Variants in SOS1 observed in about 807,000 individuals in gnomAD.
SOS1 encodes SOS Ras/Rac guanine nucleotide exchange factor 1.
In SOS1, 25 loss-of-function variants were observed where a neutral mutation model predicts 157.6. The ratio of observed to expected loss-of-function variants is 0.16; its 90% CI spans 0.12 to 0.22. SOS1 has a LOEUF of 0.22. SOS1 is among the 10% of genes least tolerant of loss of function. The pLI is 1.00. For synonymous variants in SOS1, 528 were observed against 534.0 expected (o/e 0.99, Z 0.16); for missense variants, 1,237 against 1,599.1 (o/e 0.77, Z 3.86).
rs1454226 is a variant in SOS1, at chr2:39,019,721, A to T, written c.1858+2849T>A. The stretch of plus-strand genomic sequence containing the variant: ...GAGCAAACTACATCAATAGACTAAT[A>T]ATTGGGTTTTGTAAAAAAATAAAAA... On this transcript the variant is annotated intron_variant, in intron 10 of 22. Transcript: ENST00000402219. Among the ~76,000 whole-genome samples the T allele has an allele frequency of 2.0e-5, 3 of 151,378 alleles. No individual in the cohort carries two copies. The East Asian group carries it at 5.8e-4, about 29-fold the overall frequency.
chr2:39,120,212 C>G, intron 1 of SOS1, 124 bp downstream of exon 1: 1 of 867,356 alleles, frequency 1.2e-6, no homozygotes, highest in South Asian at 2.2e-5. Flanking sequence ...GTGCGCCGTC[C>G]TTTTGGAGAC....
chr2:39,007,326 A>G (rs1256480303), intron 15 of SOS1, 133 bp from the exon 16 acceptor site: 1 of 653,732 alleles, frequency 1.5e-6, no homozygotes, highest in South Asian at 1.8e-5. Flanking sequence ...GAGAAGACAC[A>G]TTCAGGGTGA....
chr2:39,106,276 T>TA lies in SOS1; in HGVS notation c.87+14059dup, dbSNP rs200837438. 1.7e-3 allele frequency among the ~76,000 whole-genome samples: 249 copies of TA among 147,856 alleles called. 1 individual carries two copies. Among genetic ancestry groups the TA allele is most frequent in the African/African-American group, 5.1e-3 (204 of 40,178 alleles). On this transcript the variant is annotated intron_variant, in intron 1 of 22. Coordinates refer to ENST00000402219, the MANE Select transcript of SOS1 (RefSeq NM_005633.4). ...TCAAGTAATCTTCCTGTTACAGTTT[T>TA]AAAAAAAAAACTTTCTTAAATAACA...
intron 4 of SOS1, among the ~76,000 whole-genome samples, chr2:39,055,739 T>A (rs1426619261): frequency 6.6e-6 from 1 of 152,198 alleles, no homozygotes; most frequent in Non-Finnish European, 1.5e-5. Flanking sequence ...ACATTTTCCT[T>A]TCTGCAAAGT....
intron 15 of SOS1, 23 bp downstream of exon 15, chr2:39,010,561 A>AT (rs1474748903): frequency 1.1e-5 from 18 of 1,602,876 alleles, no homozygotes; most frequent in Non-Finnish European, 1.5e-5. Flanking sequence ...GCTATAAAAT[A>AT]TAAGAATGCT....
rs1354997574 is a variant in SOS1 at position 38,985,603 on chromosome 2, C to T, written c.*221G>A. On this transcript the variant is annotated 3_prime_UTR_variant, in exon 23 of 23. Coordinates refer to ENST00000402219, the MANE Select transcript of SOS1 (RefSeq NM_005633.4). Reference sequence around the variant, plus strand: ...ATGATTTTCAGGTGCAATCAGTTGTCCAATTCCTCTAGGTCGGTCTTTCCA... The same window carrying T: ...ATGATTTTCAGGTGCAATCAGTTGTTCAATTCCTCTAGGTCGGTCTTTCCA... The T allele has an allele frequency of 1.8e-6, 1 of 540,650 alleles. No individual in the cohort carries two copies. The highest frequency in any genetic ancestry group is 3.3e-6 in the Non-Finnish European group (1 of 304,716). The allele number at this position is 540,650 out of a possible 1,614,324, so 33.5% of individuals were successfully genotyped here. A position where few individuals can be genotyped will look rare whatever the true frequency, so the allele number is the denominator to read the frequency against.
At position 39,004,762 on chromosome 2, in the gene SOS1, A is replaced by G. The variant is rs913276042; in HGVS notation, c.2791+1650T>C. ...AGATACGAAAAATGACATGGACAAG[A>G]GGAAATACAAATATTAAAGAATGTA... On this transcript the variant is annotated intron_variant, in intron 17 of 22. Coordinates refer to ENST00000402219, the MANE Select transcript of SOS1 (RefSeq NM_005633.4). Among the ~76,000 whole-genome samples, 3 of 152,180 alleles carry G rather than the reference A, an allele frequency of 2.0e-5. 1 individual carries two copies. The highest frequency in any genetic ancestry group is 4.4e-5 in the Non-Finnish European group (3 of 68,034).
In SOS1 at chr2:39,110,549, TA is replaced by T. The variant is rs558283271; in HGVS notation, c.87+9786del. ...CACAGCCCTGCTCTGCAAGGAGCAA[TA>T]AAAAAAAAAAAAAGAAGAGGGTTTC... On this transcript the variant is annotated intron_variant, in intron 1 of 22. Coordinates refer to ENST00000402219, the MANE Select transcript of SOS1 (RefSeq NM_005633.4). Among the ~76,000 whole-genome samples, 632 of 127,106 alleles carry T rather than the reference TA, an allele frequency of 5.0e-3. 2 individuals carry two copies. The highest frequency in any genetic ancestry group is 9.9e-3 in the African/African-American group (341 of 34,522). The allele number at this position is 127,106 out of a possible 152,430, so 83.4% of individuals were successfully genotyped here.
chr2:39,077,275 G>A (rs944174102), intron 1 of SOS1, among the ~76,000 whole-genome samples: 34 of 151,578 alleles, frequency 2.2e-4, no homozygotes, highest in African/African-American at 8.2e-4. Context: ...CCAGGAGGCG[G>A]AGGCTGCAGT....
At chr2:39,107,557 C>T (rs1673245634) in intron 1 of SOS1, among the ~76,000 whole-genome samples, 3 of 151,602 alleles carry the variant, frequency 2.0e-5, no homozygotes, top group Admixed American at 2.0e-4. Flanking sequence ...ACAAGCATTT[C>T]ACCTAACAAA....
At chr2:39,057,862 G>A (rs1671265558) in intron 3 of SOS1, among the ~76,000 whole-genome samples, 1 of 148,656 alleles carries the variant, frequency 6.7e-6, no homozygotes, top group African/African-American at 2.5e-5. Context: ...TTTAAATTTT[G>A]GACAACATCA....
intron 17 of SOS1, among the ~76,000 whole-genome samples, chr2:39,003,313 T>G (rs1011253452): frequency 1.1e-4 from 16 of 152,210 alleles, no homozygotes; most frequent in African/African-American, 3.1e-4. Context: ...ATGAAGCAAT[T>G]CTGTAGCAAG....
At chr2:39,061,397 T>C (rs1266251529) in intron 2 of SOS1, among the ~76,000 whole-genome samples, 5 of 152,042 alleles carry the variant, frequency 3.3e-5, no homozygotes, top group Middle Eastern at 3.2e-3. Context: ...TTTTTATTTA[T>C]TTTGGGGGGG....
At chr2:39,096,842 C>T (rs1296328482) in intron 1 of SOS1, among the ~76,000 whole-genome samples, 5 of 151,222 alleles carry the variant, frequency 3.3e-5, no homozygotes, top group Non-Finnish European at 7.4e-5. Flanking sequence ...GCCGAGATCG[C>T]GCCACTGCAC....
chr2:39,024,209 G>T, intron 8 of SOS1, 72 bp from the exon 9 acceptor site: 1 of 1,212,206 alleles, frequency 8.2e-7, no homozygotes, highest in Non-Finnish European at 1.2e-6. Context: ...CTCATTTAAG[G>T]ATAAAAATAA....
At chr2:39,012,857 C>T (rs1239304955) in intron 13 of SOS1, among the ~76,000 whole-genome samples, 1 of 152,016 alleles carries the variant, frequency 6.6e-6, no homozygotes, top group African/African-American at 2.4e-5. Flanking sequence ...TATTATTTAA[C>T]TATTTTCTGA....
chr2:39,110,218 C>A (rs1404061936), intron 1 of SOS1, among the ~76,000 whole-genome samples: 1 of 152,088 alleles, frequency 6.6e-6, no homozygotes, highest in Non-Finnish European at 1.5e-5. Context: ...TGTGCACATC[C>A]TCCCACATAC....
At chr2:39,101,057 G>C (rs1172455558) in intron 1 of SOS1, among the ~76,000 whole-genome samples, 1 of 152,192 alleles carries the variant, frequency 6.6e-6, no homozygotes, top group Non-Finnish European at 1.5e-5. Context: ...GTTTTACTTG[G>C]CTAACAGTTC....
chr2:38,995,797 C>A (rs1257151740), intron 19 of SOS1, among the ~76,000 whole-genome samples: 1 of 152,142 alleles, frequency 6.6e-6, no homozygotes, highest in Non-Finnish European at 1.5e-5. Flanking sequence ...ACAGTGATGC[C>A]ATCAGGACCA....
Sources: allele counts gnomAD v4.1 joint callset (sites outside exome capture counted in the v4.1 genomes callset), GRCh38; gene constraint gnomAD v4.1.1; transcripts MANE v1.5; gene names NCBI Gene and HGNC (gene_info 2026-07-23, HGNC 2026-07-21).